The following ARHGAP31 variants were observed in gnomAD, a reference collection of about 807,000 sequenced individuals.
The protein encoded by ARHGAP31 is Rho GTPase activating protein 31.
A neutral mutation model predicts 113.9 loss-of-function variants in ARHGAP31; 34 were observed. That is an observed-to-expected ratio of 0.30 (90% CI 0.23 to 0.40). ARHGAP31 has a LOEUF of 0.40. ARHGAP31 is among the 10% of genes least tolerant of loss of function. The probability of loss-of-function intolerance (pLI) is 1.00; values close to 1 mark genes in which losing one functional copy is unlikely to be tolerated. For missense variants in ARHGAP31, 1,548 were observed against 1,767.1 expected (o/e 0.88, Z 2.22); for synonymous variants, 650 against 684.8 (o/e 0.95, Z 0.79).
In ARHGAP31 at chr3:119,415,152, G is replaced by C. The variant is rs777789268; in HGVS notation, c.3223G>C (p.Val1075Leu). The change falls in exon 12 of 12, where the codon GTG (valine) becomes CTG (leucine). Residue 1075 changes from valine to leucine, a missense_variant. Coordinates refer to ENST00000264245, the MANE Select transcript of ARHGAP31 (RefSeq NM_020754.4). ...GAGCAGCAAGGAGAGTTCACCCAGC[G>C]TGCAGGACAGCACTTCGCCTGGAGA... The part of the protein sequence containing the change: ...PESSKESSPS[V>L]QDSTSPGEHP... 6.2e-7 allele frequency: 1 copy of C among 1,614,194 alleles called. No homozygotes were observed. The highest frequency in any genetic ancestry group is 1.7e-5 in the Admixed American group (1 of 60,026).
chr3:119,310,311 G>C (rs1271112694), intron 1 of ARHGAP31, among the ~76,000 whole-genome samples: 1 of 152,172 alleles, frequency 6.6e-6, no homozygotes, highest in African/African-American at 2.4e-5. Flanking sequence ...AACATTCTGT[G>C]GTCACCCAGT....
Position 119,294,785 on chromosome 3 carries a change from T to C in ARHGAP31, c.-120T>C, listed in dbSNP as rs952007865. 9.4e-6 allele frequency: 9 copies of C among 958,064 alleles called. No homozygotes were observed. The highest frequency in any genetic ancestry group is 1.9e-5 in the Admixed American group (1 of 53,152). The allele number at this position is 958,064 out of a possible 1,614,324, so 59.3% of individuals were successfully genotyped here. A position where few individuals can be genotyped will look rare whatever the true frequency, so the allele number is the denominator to read the frequency against. ...GGCCCCCAGCCCAAGTTCTTCCATC[T>C]TCCGATGCGGCCCCCCAGAGCCGCG... is the stretch of plus-strand genomic sequence containing the variant. On this transcript the variant is annotated 5_prime_UTR_variant, in exon 1 of 12. Transcript: ENST00000264245.
intron 1 of ARHGAP31, among the ~76,000 whole-genome samples, chr3:119,338,385 C>T (rs2079978150): frequency 6.6e-6 from 1 of 152,188 alleles, no homozygotes; most frequent in African/African-American, 2.4e-5. Flanking sequence ...TTTCTAGCTC[C>T]TGTGGTACTA....
At chr3:119,341,209 C>A (rs764498513) in intron 1 of ARHGAP31, among the ~76,000 whole-genome samples, 4 of 152,048 alleles carry the variant, frequency 2.6e-5, no homozygotes, top group Non-Finnish European at 5.9e-5. Flanking sequence ...ATAGTTTAGT[C>A]TAGGTAGAGT....
intron 1 of ARHGAP31, among the ~76,000 whole-genome samples, chr3:119,295,387 C>T (rs780056218): frequency 1.1e-4 from 17 of 150,220 alleles, no homozygotes; most frequent in Middle Eastern, 3.4e-3. Context: ...GTGGTCTTGC[C>T]TGGGTACAAA....
chr3:119,331,365 T>C (rs2079890414), intron 1 of ARHGAP31, among the ~76,000 whole-genome samples: 1 of 152,216 alleles, frequency 6.6e-6, no homozygotes, highest in Non-Finnish European at 1.5e-5. Flanking sequence ...GTATATGTTC[T>C]GAACAATTTG....
chr3:119,336,829 T>A (rs141158318), intron 1 of ARHGAP31, among the ~76,000 whole-genome samples: 5 of 152,254 alleles, frequency 3.3e-5, no homozygotes, highest in Admixed American at 1.3e-4. Context: ...TCCCACCTAC[T>A]CTCCCGGCCC....
In ARHGAP31 at chr3:119,318,292, G is replaced by A. The variant is rs80033219; in HGVS notation, c.100+23288G>A. On this transcript the variant is annotated intron_variant, in intron 1 of 11. Coordinates refer to ENST00000264245, the MANE Select transcript of ARHGAP31 (RefSeq NM_020754.4). Reference sequence around the variant, plus strand: ...CTCAATAATACCCAGCAGTTTCTACGAAGTTTTCAAATGCTAGGTCTAATG... The same window carrying A: ...CTCAATAATACCCAGCAGTTTCTACAAAGTTTTCAAATGCTAGGTCTAATG... Among the ~76,000 whole-genome samples, 848 of 152,224 alleles carry A rather than the reference G, an allele frequency of 5.6e-3. 15 individuals are homozygous for A. The East Asian group carries it at 0.061, about 11-fold the overall frequency.
Position 119,399,220 on chromosome 3 carries a change from C to T in ARHGAP31, c.1028C>T (p.Pro343Leu), listed in dbSNP as rs2080578342. The T allele has an allele frequency of 2.5e-6, 4 of 1,613,558 alleles. No homozygotes were observed. Among genetic ancestry groups the T allele is most frequent in the Admixed American group, 1.7e-5 (1 of 59,998 alleles). ...TTAGTGGAAAAGGCTACTATCCGACCAGCTAAAAGCATGGACTCACTATGT... is the reference window on the plus strand; with the variant it reads ...TTAGTGGAAAAGGCTACTATCCGACTAGCTAAAAGCATGGACTCACTATGT... ...RLSVEKATIR[P>L]AKSMDSLCSV... Residue 343 changes from proline to leucine, a missense_variant, in exon 9 of 12, where the codon CCA (proline) becomes CTA (leucine). Coordinates refer to ENST00000264245, the MANE Select transcript of ARHGAP31 (RefSeq NM_020754.4).
chr3:119,295,020 CT>C lies in ARHGAP31; in HGVS notation c.100+19del, dbSNP rs749885155. 121 of 1,611,262 alleles carry C rather than the reference CT, an allele frequency of 7.5e-5. No homozygotes were observed. The African/African-American group carries it at 1.5e-3, about 19-fold the overall frequency. ...GGACAGGATGGTAATGTGCCTTGGC[CT>C]TTCTCCCCCGCCCCCACCTTCTTTT... is the stretch of plus-strand genomic sequence containing the variant. On this transcript the variant is annotated intron_variant, in intron 1 of 11. Coordinates refer to ENST00000264245, the MANE Select transcript of ARHGAP31 (RefSeq NM_020754.4).
intron 1 of ARHGAP31, among the ~76,000 whole-genome samples, chr3:119,352,814 C>A (rs1868321): frequency 0.2 from 30,211 of 152,036 alleles, 3,916 homozygotes; most frequent in African/African-American, 0.37. Context: ...AAGTAGAGAT[C>A]AAGATAGAAT....
intron 3 of ARHGAP31, among the ~76,000 whole-genome samples, chr3:119,380,301 C>T (rs539030822): frequency 7.9e-5 from 12 of 152,076 alleles, no homozygotes; most frequent in Non-Finnish European, 1.6e-4. Context: ...CTGTTTGCAC[C>T]CAGAAAGACA....
At chr3:119,392,728 G>A (rs1002064949) in intron 7 of ARHGAP31, among the ~76,000 whole-genome samples, 26 of 152,162 alleles carry the variant, frequency 1.7e-4, no homozygotes, top group African/African-American at 6.3e-4. Flanking sequence ...TACCCTCTGC[G>A]TTTCTCTGCA....
chr3:119,323,914 T>G (rs2079817486), intron 1 of ARHGAP31, among the ~76,000 whole-genome samples: 1 of 152,186 alleles, frequency 6.6e-6, no homozygotes, highest in South Asian at 2.1e-4. Flanking sequence ...ACATTTCCTG[T>G]CCTCCCCCTT....
intron 6 of ARHGAP31, among the ~76,000 whole-genome samples, chr3:119,388,034 G>A (rs1225948986): frequency 6.6e-6 from 1 of 152,102 alleles, no homozygotes; most frequent in East Asian, 1.9e-4. Flanking sequence ...GAGAACAGAG[G>A]TTGTAAAAGC....
chr3:119,413,192 C>G (rs767972635), intron 11 of ARHGAP31, among the ~76,000 whole-genome samples: 4 of 151,598 alleles, frequency 2.6e-5, no homozygotes, highest in Non-Finnish European at 5.9e-5. Context: ...TGGTGTGCAC[C>G]TGTAATCCCA....
At chr3:119,390,731 T>C (rs2080496054) in intron 6 of ARHGAP31, 54 bp from the exon 7 acceptor site, 3 of 1,558,882 alleles carry the variant, frequency 1.9e-6, no homozygotes, top group South Asian at 1.1e-5. Flanking sequence ...GGAATCTGGA[T>C]GGATGTGATG....
At chr3:119,371,780 C>G (rs564321328) in intron 3 of ARHGAP31, among the ~76,000 whole-genome samples, 1 of 152,160 alleles carries the variant, frequency 6.6e-6, no homozygotes. Flanking sequence ...ATCAAGTAGT[C>G]CCCAGTGTCT....
At chr3:119,361,627 C>T (rs534045847) in intron 1 of ARHGAP31, among the ~76,000 whole-genome samples, 2 of 152,280 alleles carry the variant, frequency 1.3e-5, no homozygotes, top group Non-Finnish European at 2.9e-5. Context: ...AGTGATCCAC[C>T]CACCTTGGCC....
Sources: gnomAD v4.1 joint callset for allele counts (sites outside exome capture counted in the v4.1 genomes callset) on GRCh38, gnomAD v4.1.1 for gene constraint, MANE v1.5 for transcripts, NCBI Gene and HGNC (gene_info 2026-07-23, HGNC 2026-07-21) for gene names.